The following ACACA variants were observed in gnomAD, a reference collection of about 807,000 sequenced individuals.
ACACA encodes acetyl-CoA carboxylase 1.
A neutral mutation model predicts 296.1 loss-of-function variants in ACACA; 103 were observed. The observed-to-expected ratio is 0.35, with a 90% CI of 0.30 to 0.41. The LOEUF is 0.41. ACACA is among the 10% of genes least tolerant of loss of function. The pLI is 1.00. For missense variants in ACACA, 1,554 were observed against 2,989.7 expected, an observed-to-expected ratio of 0.52 and a Z score of 11.20; for synonymous variants, 953 against 1,038.6, an observed-to-expected ratio of 0.92 and a Z score of 1.58.
chr17:37,291,442 C>T (rs1419299324), intron 3 of ACACA, among the ~76,000 whole-genome samples: 8 of 152,100 alleles, frequency 5.3e-5, no homozygotes, highest in African/African-American at 1.4e-4. Flanking sequence ...TCCCAAAGTG[C>T]TGGAATTACA....
intron 45 of ACACA, among the ~76,000 whole-genome samples, chr17:37,136,995 G>A (rs2075363885): frequency 6.6e-6 from 1 of 151,818 alleles, no homozygotes; most frequent in African/African-American, 2.4e-5. Flanking sequence ...CCATTTAGTG[G>A]TGTCAAGCTG....
At position 37,170,610 on chromosome 17, in the gene ACACA, A is replaced by G. The variant is rs1485901476; in HGVS notation, c.5080-8560T>C. On this transcript the variant is annotated intron_variant, in intron 41 of 55. Coordinates refer to ENST00000616317, the MANE Select transcript of ACACA (RefSeq NM_198834.3). The stretch of plus-strand genomic sequence containing the variant: ...AACACCAGCGATACAGAAAGGCATT[A>G]TCTATCTATCCATATATGTATTTTT... Among the ~76,000 whole-genome samples, 4 of 152,184 alleles carry G rather than the reference A, an allele frequency of 2.6e-5. No homozygotes were observed. The South Asian group carries it at 6.2e-4, about 24-fold the overall frequency.
At chr17:37,331,148 C>T (rs1276433972) in intron 2 of ACACA, among the ~76,000 whole-genome samples, 1 of 151,576 alleles carries the variant, frequency 6.6e-6, no homozygotes, top group Non-Finnish European at 1.5e-5. Flanking sequence ...GACGGAGTCT[C>T]GCTCTGTTGC....
At position 37,224,653 on chromosome 17, in the gene ACACA, G is replaced by GTA. The variant is rs147136525; in HGVS notation, c.3474+337_3474+338dup. On this transcript the variant is annotated intron_variant, in intron 27 of 55. Transcript: ENST00000616317. ...TAAATCATCAGAGAAATGTGTGTGT[G>GTA]TATATATATATATATATCAGAAATC... 4.3e-3 allele frequency among the ~76,000 whole-genome samples: 641 copies of GTA among 148,280 alleles called. 1 individual carries two copies. The highest frequency in any genetic ancestry group is 5.6e-3 in the Non-Finnish European group (375 of 66,786).
At chr17:37,168,976 G>A (rs1054742090) in intron 41 of ACACA, among the ~76,000 whole-genome samples, 3 of 152,184 alleles carry the variant, frequency 2.0e-5, no homozygotes, top group South Asian at 2.1e-4. Flanking sequence ...TACTAAAATC[G>A]AAAGCTTTTA....
chr17:37,193,746 C>A (rs1369163952), intron 35 of ACACA, among the ~76,000 whole-genome samples: 1 of 152,066 alleles, frequency 6.6e-6, no homozygotes, highest in Admixed American at 6.6e-5. Flanking sequence ...GCAAATAAAA[C>A]CAATATACCC....
chr17:37,285,159 C>T (rs891784701), intron 3 of ACACA, among the ~76,000 whole-genome samples, 189 bp from the exon 4 acceptor site: 14 of 151,978 alleles, frequency 9.2e-5, no homozygotes, highest in Non-Finnish European at 1.6e-4. Context: ...GAAAAAAAAG[C>T]GTTTCTGAAT....
At chr17:37,200,097 T>TAA in intron 35 of ACACA, 42 bp downstream of exon 35, 2 of 1,465,512 alleles carry the variant, frequency 1.4e-6, no homozygotes, top group Non-Finnish European at 1.9e-6. Flanking sequence ...GGCAGACAAA[T>TAA]AAAACAGTAA....
At position 37,243,528 on chromosome 17, in the gene ACACA, G is replaced by T; in HGVS notation, c.2774C>A (p.Thr925Asn). ...VKDWVERLMK[T>N]LRDPSLPLLE... ...GAGAGGCAGGGAGGGATCTCTGAGG[G>T]TTTTCATCAATCGCTCTACCCAGTC... Residue 925 changes from threonine to asparagine, a missense_variant, in exon 22 of 56, where the codon ACC (threonine) becomes AAC (asparagine). Physicochemically the swap from Thr to Asn is moderately conservative, Grantham distance 65. This residue lies in a region of ACACA where 316 missense variants were observed against 540.9 expected (regional missense o/e 0.58). Coordinates refer to ENST00000616317, the MANE Select transcript of ACACA (RefSeq NM_198834.3). 2 of 1,614,032 alleles carry T rather than the reference G, an allele frequency of 1.2e-6. No homozygotes were observed. Among genetic ancestry groups the T allele is most frequent in the Non-Finnish European group, 1.7e-6 (2 of 1,180,014 alleles).
chr17:37,288,118 T>G (rs2082875670), intron 3 of ACACA, among the ~76,000 whole-genome samples: 1 of 152,218 alleles, frequency 6.6e-6, no homozygotes. Flanking sequence ...AATTACACTA[T>G]GCAACATATC....
At chr17:37,140,872 C>G (rs971752292) in intron 45 of ACACA, 1 of 243,946 alleles carries the variant, frequency 4.1e-6, no homozygotes, top group Non-Finnish European at 8.1e-6. Context: ...GCACCAGGGC[C>G]GAGATGATGC....
chr17:37,149,963 C>G lies in ACACA; in HGVS notation c.5580G>C (p.Arg1860=). 1 of 1,614,110 alleles carries G rather than the reference C, an allele frequency of 6.2e-7. No homozygotes were observed. Among genetic ancestry groups the G allele is most frequent in the Non-Finnish European group, 8.5e-7 (1 of 1,179,982 alleles). The part of the protein sequence containing the change: ...EIITISLVTC[R]AIGIGAYLVR... The stretch of plus-strand genomic sequence containing the variant: ...CAAGGTAAGCCCCAATCCCAATGGC[C>G]CGGCACGTCACCTTAGAAAAGAATA... Residue 1860 remains arginine, a synonymous_variant, in exon 45 of 56, where the codon CGG becomes CGC. Transcript: ENST00000616317.
chr17:37,209,259 C>G (rs1272099718), intron 30 of ACACA, among the ~76,000 whole-genome samples: 1 of 152,190 alleles, frequency 6.6e-6, no homozygotes, highest in Admixed American at 6.5e-5. Context: ...GAAGTGCTAT[C>G]ATCCTCCTCT....
At chr17:37,207,918 A>G (rs929063447) in intron 30 of ACACA, 118 bp from the exon 31 acceptor site, 2 of 1,304,652 alleles carry the variant, frequency 1.5e-6, no homozygotes, top group Non-Finnish European at 2.2e-6. Flanking sequence ...GTTGCAGAGC[A>G]GATTTGGTTT....
chr17:37,117,375 T>A (rs1323753193), intron 50 of ACACA, among the ~76,000 whole-genome samples: 1 of 152,230 alleles, frequency 6.6e-6, no homozygotes, highest in South Asian at 2.1e-4. Context: ...TCAATAAATT[T>A]TTTTTATTGT....
intron 45 of ACACA, among the ~76,000 whole-genome samples, chr17:37,134,998 T>G (rs942114910): frequency 6.6e-6 from 1 of 150,438 alleles, no homozygotes; most frequent in Non-Finnish European, 1.5e-5. Flanking sequence ...GAAGGAAGGA[T>G]GAGAGAGAGG....
chr17:37,351,230 GACC>G (rs1419959222), intron 1 of ACACA, among the ~76,000 whole-genome samples: 2 of 152,246 alleles, frequency 1.3e-5, no homozygotes, highest in Admixed American at 1.3e-4. Flanking sequence ...GGGAGGCCAA[GACC>G]GGAGGATCAC....
At chr17:37,297,300 G>A (rs968913640) in intron 3 of ACACA, among the ~76,000 whole-genome samples, 2 of 151,322 alleles carry the variant, frequency 1.3e-5, no homozygotes, top group Non-Finnish European at 2.9e-5. Flanking sequence ...AATTAGCGGG[G>A]CATAGTGGTG....
At chr17:37,389,951 C>G (rs2050720207) in intron 1 of ACACA, among the ~76,000 whole-genome samples, 1 of 148,736 alleles carries the variant, frequency 6.7e-6, no homozygotes, top group African/African-American at 2.5e-5. Context: ...CCCATATAAA[C>G]TGAATCAGAT....
Sources: gnomAD v4.1 joint callset for allele counts (sites outside exome capture counted in the v4.1 genomes callset) on GRCh38, gnomAD v4.1.1 for gene constraint, gnomAD v4.1.1 regional missense constraint, MANE v1.5 for transcripts, NCBI Gene and HGNC (gene_info 2026-07-23, HGNC 2026-07-21) for gene names.